UCN3: variants seen among roughly 807,000 people sequenced by gnomAD.
UCN3 encodes urocortin-3.
In UCN3, 3 loss-of-function variants were observed where a neutral mutation model predicts 3.6. The observed-to-expected ratio is 0.83, with a 90% CI of 0.38 to 2.15. UCN3 has a LOEUF of 2.15. Ranked by LOEUF, UCN3 falls within the 30% of genes most tolerant of loss-of-function variation. UCN3 has a pLI of 0.06. For synonymous variants in UCN3, 100 were observed against 93.2 expected (o/e 1.07, Z -0.42); for missense variants, 206 against 208.3 (o/e 0.99, Z 0.07).
At position 5,370,545 on chromosome 10, in the gene UCN3, A is replaced by G. The variant is rs369254130; in HGVS notation, c.-6-3170A>G. The stretch of plus-strand genomic sequence containing the variant: ...TGTATGTGTGTGTGTATATGCGTGT[A>G]TATGTGTGTATATGTGTGTGTATAT... On this transcript the variant is annotated intron_variant, in intron 1 of 1. Transcript: ENST00000380433. Among the ~76,000 whole-genome samples the G allele has an allele frequency of 1.1e-3, 59 of 55,298 alleles. 6 individuals are homozygous for G. Among genetic ancestry groups the G allele is most frequent in the East Asian group, 2.0e-3 (2 of 1,024 alleles). 36.3% of individuals were successfully genotyped at this position (55,298 alleles called of 152,430 possible). A position where few individuals can be genotyped will look rare whatever the true frequency, so the allele number is the denominator to read the frequency against.
At position 5,374,277 on chromosome 10, in the gene UCN3, G is replaced by T. The variant is rs1188797090; in HGVS notation, c.*71G>T. The T allele has an allele frequency of 7.1e-6, 3 of 420,192 alleles. No individual in the cohort carries two copies. Among genetic ancestry groups the T allele is most frequent in the Non-Finnish European group, 1.3e-5 (3 of 227,350 alleles). 26.0% of individuals were successfully genotyped at this position (420,192 alleles called of 1,614,324 possible). A position where few individuals can be genotyped will look rare whatever the true frequency, so the allele number is the denominator to read the frequency against. ...GAGGGGGAGGGGAGGGCGAGGGGGG[G>T]AGGGGAGGGGGAGGGTGCTGTCTGC... On this transcript the variant is annotated 3_prime_UTR_variant, in exon 2 of 2. Coordinates refer to ENST00000380433, the MANE Select transcript of UCN3 (RefSeq NM_053049.4).
chr10:5,374,253 A>AGGGGGAGGGAAGGGCGAGG lies in UCN3; in HGVS notation c.*56_*57insAAGGGCGAGGGGGGGAGGG, dbSNP rs1831473585. 1.1e-4 allele frequency: 1 copy of AGGGGGAGGGAAGGGCGAGG among 9,308 alleles called. No individual in the cohort carries two copies. Among genetic ancestry groups the AGGGGGAGGGAAGGGCGAGG allele is most frequent in the African/African-American group, 5.7e-4 (1 of 1,740 alleles). The allele number at this position is 9,308 out of a possible 1,614,324, so 0.6% of individuals were successfully genotyped here. On this transcript the variant is annotated 3_prime_UTR_variant, in exon 2 of 2. Coordinates refer to ENST00000380433, the MANE Select transcript of UCN3 (RefSeq NM_053049.4). ...GCAGCGGGGTGGGGAGGGGGAGGGGAGGGGGAGGGGAGGGCGAGGGGGGGA... is the reference window on the plus strand; with the variant it reads ...GCAGCGGGGTGGGGAGGGGGAGGGGAGGGGGAGGGAAGGGCGAGGGGGGGAGGGGAGGGCGAGGGGGGGA...
chr10:5,374,429 C>T lies in UCN3; in HGVS notation c.*223C>T. The T allele has an allele frequency of 1.8e-6, 1 of 542,080 alleles. No individual in the cohort carries two copies. Among genetic ancestry groups the T allele is most frequent in the South Asian group, 2.2e-5 (1 of 46,260 alleles). The allele number at this position is 542,080 out of a possible 1,614,324, so 33.6% of individuals were successfully genotyped here. A position where few individuals can be genotyped will look rare whatever the true frequency, so the allele number is the denominator to read the frequency against. ...TGTACACACAGAAGTGCAGTATTGT[C>T]CAACCTTCCCAGACACAAAGCAGCT... On this transcript the variant is annotated 3_prime_UTR_variant, in exon 2 of 2. Coordinates refer to ENST00000380433, the MANE Select transcript of UCN3 (RefSeq NM_053049.4).
intron 1 of UCN3, among the ~76,000 whole-genome samples, chr10:5,370,168 T>C (rs62651860): frequency 0.076 from 2,253 of 29,530 alleles, 377 homozygotes; most frequent in African/African-American, 0.14. Context: ...TGTGTATATG[T>C]GTGTGTATAT....
In UCN3 at chr10:5,374,496, A is replaced by G; in HGVS notation, c.*290A>G. On this transcript the variant is annotated 3_prime_UTR_variant, in exon 2 of 2. Transcript: ENST00000380433. The stretch of plus-strand genomic sequence containing the variant: ...CTCAGCGTCTCCTTCCTCCCTCCCC[A>G]CAGCAAGAGGCAAAGTTCATGCATT... 1 of 334,906 alleles carries G rather than the reference A, an allele frequency of 3.0e-6. No homozygotes were observed. Among genetic ancestry groups the G allele is most frequent in the Admixed American group, 4.2e-5 (1 of 23,596 alleles). 20.7% of individuals were successfully genotyped at this position (334,906 alleles called of 1,614,324 possible). A position where few individuals can be genotyped will look rare whatever the true frequency, so the allele number is the denominator to read the frequency against.
In UCN3 at chr10:5,369,860, TGG is replaced by T. The variant is rs1482616152; in HGVS notation, c.-6-3853_-6-3852del. ...TGTGCTGGGTAAACATTTATCCACG[TGG>T]GTGTGTGTGTATATGTGTGTGTATA... On this transcript the variant is annotated intron_variant, in intron 1 of 1. Transcript: ENST00000380433. 2.6e-4 allele frequency among the ~76,000 whole-genome samples: 37 copies of T among 142,982 alleles called. 1 individual carries two copies. Among genetic ancestry groups the T allele is most frequent in the African/African-American group, 9.8e-4 (35 of 35,824 alleles). The allele number at this position is 142,982 out of a possible 152,430, so 93.8% of individuals were successfully genotyped here.
At position 5,370,659 on chromosome 10, in the gene UCN3, G is replaced by T. The variant is rs202090932; in HGVS notation, c.-6-3056G>T. Among the ~76,000 whole-genome samples the T allele has an allele frequency of 8.1e-5, 6 of 74,338 alleles. No homozygotes were observed. In the East Asian group the frequency reaches 1.8e-3, roughly 22 times the overall value. The allele number at this position is 74,338 out of a possible 152,430, so 48.8% of individuals were successfully genotyped here. A position where few individuals can be genotyped will look rare whatever the true frequency, so the allele number is the denominator to read the frequency against. ...TGTGTGTGTATATGTGTGTGTATGT[G>T]TGTGTATGTGTGTGTATGTGTGTGT... is the stretch of plus-strand genomic sequence containing the variant. On this transcript the variant is annotated intron_variant, in intron 1 of 1. Coordinates refer to ENST00000380433, the MANE Select transcript of UCN3 (RefSeq NM_053049.4).
intron 1 of UCN3, among the ~76,000 whole-genome samples, chr10:5,370,917 ATGCGTGTGTATATG>A (rs1564443821): frequency 7.6e-6 from 1 of 131,684 alleles, no homozygotes; most frequent in Admixed American, 8.0e-5. Context: ...GCGTGTGTAT[ATGCGTGTGTATATG>A]TGTGTTCATG....
At chr10:5,370,457 A>ATG (rs1564443018) in intron 1 of UCN3, among the ~76,000 whole-genome samples, 1 of 59,124 alleles carries the variant, frequency 1.7e-5, no homozygotes. Flanking sequence ...GTGTGTGTGT[A>ATG]TATGTGTGTA....
chr10:5,372,059 T>A (rs901903638), intron 1 of UCN3, among the ~76,000 whole-genome samples: 1 of 152,206 alleles, frequency 6.6e-6, no homozygotes, highest in Non-Finnish European at 1.5e-5. Flanking sequence ...ACGGCAGCCG[T>A]GCTTTCTCTA....
intron 1 of UCN3, among the ~76,000 whole-genome samples, chr10:5,370,388 CGTGTGTATATGTGTGTGTATATGTGT>C (rs1831360231): frequency 3.6e-5 from 1 of 27,970 alleles, no homozygotes; most frequent in African/African-American, 2.3e-4. Context: ...CGTGTATATG[CGTGTGTATATGTGTGTGTATATGTGT>C]GTGTGTATAT....
At chr10:5,370,812 TGCG>T (rs1564443575) in intron 1 of UCN3, among the ~76,000 whole-genome samples, 48 of 116,374 alleles carry the variant, frequency 4.1e-4, no homozygotes, top group East Asian at 1.2e-3. Flanking sequence ...TATGTGTGTG[TGCG>T]TGTGTGTGCG....
rs1395940025 is a variant in UCN3 at position 5,374,576 on chromosome 10, G to A, written c.*370G>A. The A allele has an allele frequency of 1.8e-4, 35 of 190,488 alleles. No homozygotes were observed. The Admixed American group carries it at 1.9e-3, about 10-fold the overall frequency. The allele number at this position is 190,488 out of a possible 1,614,324, so 11.8% of individuals were successfully genotyped here. On this transcript the variant is annotated 3_prime_UTR_variant, in exon 2 of 2. Coordinates refer to ENST00000380433, the MANE Select transcript of UCN3 (RefSeq NM_053049.4). ...CCATGCCTGAGAAGAGAGCGTTCAGGGCTCCTCTCCCACACATCAACTTCT... is the reference window on the plus strand; with the variant it reads ...CCATGCCTGAGAAGAGAGCGTTCAGAGCTCCTCTCCCACACATCAACTTCT...
At position 5,374,405 on chromosome 10, in the gene UCN3, G is replaced by A; in HGVS notation, c.*199G>A. 3.4e-6 allele frequency: 2 copies of A among 595,350 alleles called. No individual in the cohort carries two copies. The highest frequency in any genetic ancestry group is 5.9e-6 in the Non-Finnish European group (2 of 340,292). The allele number at this position is 595,350 out of a possible 1,614,324, so 36.9% of individuals were successfully genotyped here. On this transcript the variant is annotated 3_prime_UTR_variant, in exon 2 of 2. Transcript: ENST00000380433. Reference sequence around the variant, plus strand: ...ACCCTGTCTCCCTCCTGCTCTGTCTGTACACACAGAAGTGCAGTATTGTCC... The same window carrying A: ...ACCCTGTCTCCCTCCTGCTCTGTCTATACACACAGAAGTGCAGTATTGTCC...
chr10:5,372,239 G>A (rs1831440207), intron 1 of UCN3, among the ~76,000 whole-genome samples: 1 of 152,212 alleles, frequency 6.6e-6, no homozygotes, highest in Non-Finnish European at 1.5e-5. Flanking sequence ...TTTGATCTCA[G>A]GGCACAGGAA....
intron 1 of UCN3, among the ~76,000 whole-genome samples, chr10:5,371,588 G>C (rs1295815998): frequency 6.6e-6 from 1 of 152,072 alleles, no homozygotes; most frequent in African/African-American, 2.4e-5. Context: ...GCTTGGGTTG[G>C]GTCCACTGCA....
chr10:5,370,316 TG>T (rs1217379442), intron 1 of UCN3, among the ~76,000 whole-genome samples: 1 of 61,026 alleles, frequency 1.6e-5, no homozygotes, highest in Non-Finnish European at 3.1e-5. Context: ...TATGCGTGTA[TG>T]TGTGTGTATA....
At position 5,369,862 on chromosome 10, in the gene UCN3, G is replaced by GGTGT. The variant is rs1348226825; in HGVS notation, c.-6-3846_-6-3843dup. On this transcript the variant is annotated intron_variant, in intron 1 of 1. Coordinates refer to ENST00000380433, the MANE Select transcript of UCN3 (RefSeq NM_053049.4). ...TGCTGGGTAAACATTTATCCACGTGGGTGTGTGTGTATATGTGTGTGTATA... is the reference window on the plus strand; with the variant it reads ...TGCTGGGTAAACATTTATCCACGTGGGTGTGTGTGTGTGTATATGTGTGTGTATA... Among the ~76,000 whole-genome samples the GGTGT allele has an allele frequency of 1.5e-4, 15 of 99,518 alleles. 1 individual carries two copies. The highest frequency in any genetic ancestry group is 5.4e-4 in the African/African-American group (14 of 25,996). 65.3% of individuals were successfully genotyped at this position (99,518 alleles called of 152,430 possible). A position where few individuals can be genotyped will look rare whatever the true frequency, so the allele number is the denominator to read the frequency against.
intron 1 of UCN3, among the ~76,000 whole-genome samples, chr10:5,369,897 GTATA>G (rs1187495813): frequency 1.5e-5 from 2 of 132,242 alleles, no homozygotes; most frequent in Non-Finnish European, 3.2e-5. Context: ...ATGTGTGTGT[GTATA>G]TGTGTGTGTG....
Sources: gnomAD v4.1 joint callset for allele counts (sites outside exome capture counted in the v4.1 genomes callset) on GRCh38, gnomAD v4.1.1 for gene constraint, MANE v1.5 for transcripts, NCBI Gene and HGNC (gene_info 2026-07-23, HGNC 2026-07-21) for gene names.